Variants in FANCL observed in about 807,000 individuals in gnomAD.
FANCL encodes the protein FA complementation group L, also known as E3 ubiquitin-protein ligase FANCL.
In FANCL, 69 loss-of-function variants were observed where a neutral mutation model predicts 59.4. The ratio of observed to expected loss-of-function variants is 1.16; its 90% CI spans 0.96 to 1.42. The LOEUF is 1.42. Among genes scored for constraint, FANCL ranks in the 40% most tolerant of loss-of-function variants. The probability of loss-of-function intolerance (pLI) is 0.00; values close to 1 mark genes in which losing one functional copy is unlikely to be tolerated. For missense variants in FANCL, 519 were observed against 447.2 expected (o/e 1.16, Z -1.45); for synonymous variants, 180 against 147.1 (o/e 1.22, Z -1.62).
chr2:58,182,989 G>A (rs945057972), intron 7 of FANCL, among the ~76,000 whole-genome samples: 5 of 151,694 alleles, frequency 3.3e-5, no homozygotes, highest in South Asian at 2.1e-4. Context: ...CACAAGATCC[G>A]AGTGAGATAA....
intron 1 of FANCL, among the ~76,000 whole-genome samples, chr2:58,238,338 A>G (rs1177395449): frequency 1.3e-5 from 2 of 152,236 alleles, no homozygotes; most frequent in Non-Finnish European, 2.9e-5. Context: ...ATCAAGAACT[A>G]CCATCCAAGT....
chr2:58,211,598 C>A (rs1014078242), intron 5 of FANCL, among the ~76,000 whole-genome samples: 4 of 152,192 alleles, frequency 2.6e-5, no homozygotes, highest in Non-Finnish European at 4.4e-5. Context: ...TGTCAGGCTG[C>A]AAATTTTTTG....
At chr2:58,160,520 T>C (rs1326485417) in intron 12 of FANCL, among the ~76,000 whole-genome samples, 1 of 152,040 alleles carries the variant, frequency 6.6e-6, no homozygotes, top group Non-Finnish European at 1.5e-5. Flanking sequence ...ATTCATAGAC[T>C]TTCCCTAAAT....
chr2:58,200,991 A>G (rs1054665690), intron 6 of FANCL, among the ~76,000 whole-genome samples: 10 of 151,326 alleles, frequency 6.6e-5, no homozygotes, highest in Admixed American at 5.3e-4. Context: ...CAAACCTCAC[A>G]TAACAGTACA....
chr2:58,222,131 T>A, intron 4 of FANCL, 89 bp from the exon 5 acceptor site: 1 of 871,038 alleles, frequency 1.1e-6, no homozygotes. Context: ...TTCATTATCT[T>A]CTTAGTGCCT....
chr2:58,218,570 G>GA (rs1692078762), intron 5 of FANCL, among the ~76,000 whole-genome samples: 1 of 150,480 alleles, frequency 6.6e-6, no homozygotes, highest in Non-Finnish European at 1.5e-5. Context: ...GTGGGTGGAG[G>GA]AAATGGTTCT....
At chr2:58,227,885 C>T (rs563274180) in intron 3 of FANCL, among the ~76,000 whole-genome samples, 1 of 151,190 alleles carries the variant, frequency 6.6e-6, no homozygotes, top group East Asian at 1.9e-4. Context: ...CTCATCATTA[C>T]TTTTTTTAAA....
intron 12 of FANCL, among the ~76,000 whole-genome samples, chr2:58,160,975 A>G (rs1685064471): frequency 6.6e-6 from 1 of 152,040 alleles, no homozygotes; most frequent in Admixed American, 6.6e-5. Context: ...CACTAAAGAC[A>G]GGAATGAAAG....
chr2:58,182,884 C>T (rs947585845), intron 7 of FANCL, among the ~76,000 whole-genome samples: 1 of 151,642 alleles, frequency 6.6e-6, no homozygotes, highest in Non-Finnish European at 1.5e-5. Context: ...TCAAGTAAGT[C>T]TCATCCCTAG....
chr2:58,191,430 A>G (rs1455759614), intron 7 of FANCL, among the ~76,000 whole-genome samples: 4 of 151,870 alleles, frequency 2.6e-5, no homozygotes, highest in Non-Finnish European at 5.9e-5. Context: ...CAAAGTACTC[A>G]CAATATATTA....
intron 4 of FANCL, among the ~76,000 whole-genome samples, chr2:58,225,006 T>C (rs1692845049): frequency 6.6e-6 from 1 of 151,866 alleles, no homozygotes; most frequent in Admixed American, 6.6e-5. Context: ...TCATGATTCT[T>C]TGGAGAAATG....
chr2:58,189,510 T>C (rs773866814), intron 7 of FANCL, among the ~76,000 whole-genome samples: 11 of 152,244 alleles, frequency 7.2e-5, no homozygotes, highest in South Asian at 2.1e-4. Flanking sequence ...TACATAAATG[T>C]ATATATATTG....
intron 1 of FANCL, among the ~76,000 whole-genome samples, chr2:58,234,306 G>C (rs1162996511): frequency 6.6e-6 from 1 of 151,742 alleles, no homozygotes; most frequent in Non-Finnish European, 1.5e-5. Context: ...AAAATGAAAA[G>C]AAATGAATGA....
intron 5 of FANCL, among the ~76,000 whole-genome samples, chr2:58,214,764 C>T (rs758190742): frequency 3.9e-5 from 6 of 152,092 alleles, no homozygotes; most frequent in Non-Finnish European, 8.8e-5. Flanking sequence ...TGCCCCACCT[C>T]AGCCCCCCAA....
intron 7 of FANCL, among the ~76,000 whole-genome samples, chr2:58,194,441 G>C (rs937585349): frequency 1.3e-5 from 2 of 152,148 alleles, no homozygotes; most frequent in African/African-American, 4.8e-5. Flanking sequence ...TTAGAAAGTA[G>C]AATAAAATTA....
At chr2:58,180,363 T>C (rs1045363530) in intron 7 of FANCL, among the ~76,000 whole-genome samples, 13 of 152,142 alleles carry the variant, frequency 8.5e-5, no homozygotes, top group Admixed American at 6.6e-5. Flanking sequence ...ATGTGGTACA[T>C]ATACACCATG....
At chr2:58,180,091 T>C (rs1372368426) in intron 7 of FANCL, among the ~76,000 whole-genome samples, 1 of 152,126 alleles carries the variant, frequency 6.6e-6, no homozygotes, top group Non-Finnish European at 1.5e-5. Flanking sequence ...GAAGAGGATG[T>C]GGAGAAATAG....
chr2:58,232,195 A>C (rs1231278418), intron 1 of FANCL, 83 bp from the exon 2 acceptor site: 1 of 1,142,862 alleles, frequency 8.7e-7, no homozygotes, highest in Non-Finnish European at 1.3e-6. Context: ...CAAAGAAAAG[A>C]CAATGTTTTC....
Position 58,162,957 on chromosome 2 carries a change from T to G in FANCL, c.822-10A>C. On this transcript the variant is annotated splice_polypyrimidine_tract_variant and intron_variant, in intron 10 of 13. Transcript: ENST00000233741. ...ACTATTTTCTGGATCCCTGAAAGCATGGGGAAAAAAATTATGCTGTGAACT... is the reference window on the plus strand; with the variant it reads ...ACTATTTTCTGGATCCCTGAAAGCAGGGGGAAAAAAATTATGCTGTGAACT... 1.2e-6 allele frequency: 2 copies of G among 1,612,616 alleles called. No individual in the cohort carries two copies. Among genetic ancestry groups the G allele is most frequent in the Admixed American group, 1.7e-5 (1 of 59,930 alleles).
Sources: allele counts gnomAD v4.1 joint callset (sites outside exome capture counted in the v4.1 genomes callset), GRCh38; gene constraint gnomAD v4.1.1; transcripts MANE v1.5; gene names NCBI Gene and HGNC (gene_info 2026-07-23, HGNC 2026-07-21).